The following STAU2 variants were observed in gnomAD, a reference collection of about 807,000 sequenced individuals.
The protein encoded by STAU2 is double-stranded RNA-binding protein Staufen homolog 2.
STAU2 carries 20 observed loss-of-function variants against 65.9 expected under a neutral mutation model. The ratio of observed to expected loss-of-function variants is 0.30; its 90% CI spans 0.21 to 0.44. The LOEUF (loss-of-function observed/expected upper bound fraction) is 0.44. STAU2 is among the 20% of genes least tolerant of loss of function. The pLI, the probability that STAU2 is intolerant of heterozygous loss-of-function variation, is 1.00. For missense variants in STAU2, 558 were observed against 683.9 expected, an observed-to-expected ratio of 0.82 and a Z score of 2.05; for synonymous variants, 232 against 233.9, an observed-to-expected ratio of 0.99 and a Z score of 0.07.
At chr8:73,738,014 C>T (rs753769432) in intron 3 of STAU2, among the ~76,000 whole-genome samples, 2 of 152,024 alleles carry the variant, frequency 1.3e-5, no homozygotes, top group Non-Finnish European at 2.9e-5. Context: ...ATTCTGAACA[C>T]ATTAACAAGT....
intron 6 of STAU2, among the ~76,000 whole-genome samples, chr8:73,637,463 T>TTAAAAAAAAAAAAAAAAA (rs1563473627): frequency 1.8e-5 from 1 of 56,586 alleles, no homozygotes; most frequent in African/African-American, 6.1e-5. Context: ...AAAGTCTTTA[T>TTAAAAAAAAAAAAAAAAA]AAAGTGCTGA....
intron 4 of STAU2, among the ~76,000 whole-genome samples, chr8:73,708,633 C>T (rs920707023): frequency 1.3e-5 from 2 of 152,074 alleles, no homozygotes; most frequent in Non-Finnish European, 2.9e-5. Flanking sequence ...ACTCTGTCTC[C>T]ATTTCTACTT....
rs748764668 is a variant in STAU2, at chr8:73,615,687, A to G, written c.666T>C (p.Pro222=). 13 of 1,613,306 alleles carry G rather than the reference A, an allele frequency of 8.1e-6. No homozygotes were observed. Among genetic ancestry groups the G allele is most frequent in the African/African-American group, 1.3e-5 (1 of 74,934 alleles). The stretch of plus-strand genomic sequence containing the variant: ...ACCGAGTACATACCTCAAAACTGAC[A>G]GGCATATTTCGCTTCAGAGCAATTT... The part of the protein sequence containing the change: ...VFEIALKRNM[P]VSFEVIKESG... The change falls in exon 8 of 15, where the codon CCT becomes CCC. Residue 222 remains proline, a synonymous_variant. Coordinates refer to ENST00000524300, the MANE Select transcript of STAU2 (RefSeq NM_001164380.2).
chr8:73,657,813 A>G (rs929688137), intron 6 of STAU2, among the ~76,000 whole-genome samples: 1 of 152,008 alleles, frequency 6.6e-6, no homozygotes, highest in African/African-American at 2.4e-5. Flanking sequence ...CAGGAGTTCA[A>G]AACCAGCCAG....
intron 6 of STAU2, among the ~76,000 whole-genome samples, chr8:73,654,630 A>G (rs1816160794): frequency 8.0e-6 from 1 of 125,050 alleles, no homozygotes; most frequent in African/African-American, 3.4e-5. Flanking sequence ...ACAGAACAAG[A>G]TTGTCTCAAA....
intron 13 of STAU2, chr8:73,550,286 A>G: frequency 1.0e-6 from 1 of 984,696 alleles, no homozygotes; most frequent in Non-Finnish European, 1.2e-6. Context: ...TAGCAATGCA[A>G]TAATGAGGGA....
intron 4 of STAU2, among the ~76,000 whole-genome samples, chr8:73,698,477 C>G (rs1208635301): frequency 6.6e-6 from 1 of 151,442 alleles, no homozygotes; most frequent in African/African-American, 2.4e-5. Flanking sequence ...GCAACGGAAA[C>G]CAAAAAAGAG....
chr8:73,655,867 C>G (rs1422068430), intron 6 of STAU2, among the ~76,000 whole-genome samples: 2 of 152,098 alleles, frequency 1.3e-5, no homozygotes, highest in East Asian at 1.9e-4. Context: ...CCAGGATAGT[C>G]TCAATCTCCT....
At chr8:73,662,827 G>A (rs1024332742) in intron 6 of STAU2, among the ~76,000 whole-genome samples, 1 of 152,010 alleles carries the variant, frequency 6.6e-6, no homozygotes, top group Non-Finnish European at 1.5e-5. Context: ...TGTTGGTCAG[G>A]CTGGTCTCGA....
At chr8:73,674,650 T>C (rs143783187) in intron 5 of STAU2, among the ~76,000 whole-genome samples, 5 of 151,062 alleles carry the variant, frequency 3.3e-5, no homozygotes. Flanking sequence ...GTAATCATGC[T>C]GTTAGTAATA....
intron 7 of STAU2, among the ~76,000 whole-genome samples, chr8:73,617,088 AG>A (rs1198483161): frequency 6.8e-6 from 1 of 146,268 alleles, no homozygotes; most frequent in African/African-American, 2.8e-5. Flanking sequence ...CCAAATCCCC[AG>A]TTGCCTGGGA....
chr8:73,487,172 T>G (rs1001996914), intron 13 of STAU2, among the ~76,000 whole-genome samples: 2 of 152,098 alleles, frequency 1.3e-5, no homozygotes, highest in East Asian at 3.9e-4. Flanking sequence ...CTCTTGTCTA[T>G]CAGGCTGCCA....
At chr8:73,691,941 C>G (rs2130545323) in intron 4 of STAU2, among the ~76,000 whole-genome samples, 1 of 152,270 alleles carries the variant, frequency 6.6e-6, no homozygotes, top group East Asian at 1.9e-4. Flanking sequence ...GGGCCAGTCA[C>G]CAGAAAAACT....
intron 13 of STAU2, among the ~76,000 whole-genome samples, chr8:73,448,530 G>C (rs948224701): frequency 2.0e-5 from 3 of 152,168 alleles, no homozygotes; most frequent in African/African-American, 7.2e-5. Context: ...CAATCAGCCC[G>C]CCTCGGCCTC....
At chr8:73,573,459 A>G (rs923036743) in intron 12 of STAU2, among the ~76,000 whole-genome samples, 6 of 152,234 alleles carry the variant, frequency 3.9e-5, no homozygotes, top group Admixed American at 6.5e-5. Flanking sequence ...ATCCTAAGCC[A>G]AAAGAACAAA....
chr8:73,742,581 T>C (rs2130792634), intron 1 of STAU2, among the ~76,000 whole-genome samples: 1 of 151,968 alleles, frequency 6.6e-6, no homozygotes, highest in East Asian at 1.9e-4. Flanking sequence ...CACAAAAGTT[T>C]CCAGCTACAG....
Position 73,595,159 on chromosome 8 carries a change from C to T in STAU2, c.1161+7G>A, listed in dbSNP as rs1319828411. On this transcript the variant is annotated splice_region_variant and intron_variant, in intron 11 of 14. Coordinates refer to ENST00000524300, the MANE Select transcript of STAU2 (RefSeq NM_001164380.2). ...ATAGGATACATACATGTAAACTTAA[C>T]TCTTACCTTCTCAAGTTGATCCTGA... 1 of 1,597,872 alleles carries T rather than the reference C, an allele frequency of 6.3e-7. No individual in the cohort carries two copies. Among genetic ancestry groups the T allele is most frequent in the African/African-American group, 1.3e-5 (1 of 74,344 alleles).
intron 11 of STAU2, among the ~76,000 whole-genome samples, chr8:73,592,912 A>C (rs1810928529): frequency 6.6e-6 from 1 of 152,166 alleles, no homozygotes. Context: ...TGCTTTTGCC[A>C]CACTCATCAA....
rs576605197 is a variant in STAU2, at chr8:73,462,328, C to T, written c.1531-39626G>A. 5.6e-4 allele frequency among the ~76,000 whole-genome samples: 85 copies of T among 152,162 alleles called. 2 individuals are homozygous for T. The South Asian group carries it at 0.016, about 29-fold the overall frequency. On this transcript the variant is annotated intron_variant, in intron 13 of 14. Coordinates refer to ENST00000524300, the MANE Select transcript of STAU2 (RefSeq NM_001164380.2). ...TGTTGGCCAGGCTGGTCTTGAACTCCTGACCTCAGAAGATCCACCCGCCTT... is the reference window on the plus strand; with the variant it reads ...TGTTGGCCAGGCTGGTCTTGAACTCTTGACCTCAGAAGATCCACCCGCCTT...
Sources: allele counts gnomAD v4.1 joint callset (sites outside exome capture counted in the v4.1 genomes callset), GRCh38; gene constraint gnomAD v4.1.1; transcripts MANE v1.5; gene names NCBI Gene and HGNC (gene_info 2026-07-23, HGNC 2026-07-21).